ZNF277: variants seen among roughly 807,000 people sequenced by gnomAD.
The protein encoded by ZNF277 is zinc finger protein 277.
Under a neutral mutation model 60.7 loss-of-function variants are expected in ZNF277, and 55 were observed. The ratio of observed to expected loss-of-function variants is 0.91; its 90% CI spans 0.73 to 1.13. The LOEUF is 1.13. ZNF277 is among the 50% of genes most tolerant of loss of function. The probability of loss-of-function intolerance (pLI) is 0.00; values close to 1 mark genes in which losing one functional copy is unlikely to be tolerated. For synonymous variants in ZNF277, 178 were observed against 179.3 expected, an observed-to-expected ratio of 0.99 and a Z score of 0.06; for missense variants, 510 against 523.0, an observed-to-expected ratio of 0.98 and a Z score of 0.24.
intron 1 of ZNF277, among the ~76,000 whole-genome samples, chr7:112,263,085 T>C (rs569736714): frequency 6.6e-6 from 1 of 152,304 alleles, no homozygotes; most frequent in African/African-American, 2.4e-5. Context: ...TTGTATAACC[T>C]TTTTGTCAAG....
At position 112,330,042 on chromosome 7, in the gene ZNF277, A is replaced by C. The variant is rs748760330; in HGVS notation, c.669-42A>C. On this transcript the variant is annotated intron_variant, in intron 6 of 11. Transcript: ENST00000361822. Reference sequence around the variant, plus strand: ...ATAATAAAGGATTATTGCAGCAACTATACAAGAGACTTGTTTATCAGTGTT... The same window carrying C: ...ATAATAAAGGATTATTGCAGCAACTCTACAAGAGACTTGTTTATCAGTGTT... 4.4e-6 allele frequency: 7 copies of C among 1,585,494 alleles called. No homozygotes were observed. The Admixed American group carries it at 5.6e-5, about 13-fold the overall frequency.
At chr7:112,319,659 ATATATATAATATATAT>A (rs1317519973) in intron 5 of ZNF277, among the ~76,000 whole-genome samples, 5 of 147,418 alleles carry the variant, frequency 3.4e-5, no homozygotes, top group African/African-American at 1.2e-4. Flanking sequence ...AAATTATATA[ATATATATAATATATAT>A]TATATAAATT....
intron 1 of ZNF277, among the ~76,000 whole-genome samples, chr7:112,282,570 A>G (rs1791972385): frequency 6.6e-6 from 1 of 152,212 alleles, no homozygotes; most frequent in South Asian, 2.1e-4. Flanking sequence ...CAAGAACTGT[A>G]CATTTAACCT....
intron 8 of ZNF277, 50 bp from the exon 9 acceptor site, chr7:112,337,680 T>C (rs1438791914): frequency 2.6e-6 from 4 of 1,524,108 alleles, no homozygotes; most frequent in Non-Finnish European, 3.6e-6. Context: ...TGTAGTATAC[T>C]CTCTTAATGA....
At chr7:112,297,635 T>C (rs1792385326) in intron 4 of ZNF277, among the ~76,000 whole-genome samples, 1 of 152,230 alleles carries the variant, frequency 6.6e-6, no homozygotes, top group Non-Finnish European at 1.5e-5. Flanking sequence ...AGTAAAGAAA[T>C]AGGACTTCCT....
chr7:112,251,576 TG>T (rs1791200874), intron 1 of ZNF277, among the ~76,000 whole-genome samples: 2 of 152,168 alleles, frequency 1.3e-5, no homozygotes, highest in African/African-American at 4.8e-5. Flanking sequence ...TTTTCCCCAA[TG>T]GGGAAGGATT....
At position 112,206,711 on chromosome 7, in the gene ZNF277, C is replaced by G; in HGVS notation, c.-6C>G. 1 of 1,612,982 alleles carries G rather than the reference C, an allele frequency of 6.2e-7. No homozygotes were observed. Among genetic ancestry groups the G allele is most frequent in the Non-Finnish European group, 8.5e-7 (1 of 1,179,616 alleles). On this transcript the variant is annotated 5_prime_UTR_variant, in exon 1 of 12. Transcript: ENST00000361822. Reference sequence around the variant, plus strand: ...TGCGGCCCTCCCTTTTCTTTTCTGCCGGGTAATGGCTGCTTCCAAGACCCA... The same window carrying G: ...TGCGGCCCTCCCTTTTCTTTTCTGCGGGGTAATGGCTGCTTCCAAGACCCA...
At chr7:112,338,596 C>T (rs912771367) in intron 9 of ZNF277, among the ~76,000 whole-genome samples, 2 of 152,162 alleles carry the variant, frequency 1.3e-5, no homozygotes, top group Non-Finnish European at 2.9e-5. Flanking sequence ...CCCACTTTCA[C>T]CTCACCCTTA....
intron 1 of ZNF277, among the ~76,000 whole-genome samples, chr7:112,208,893 G>A (rs1046187406): frequency 6.6e-6 from 1 of 151,976 alleles, no homozygotes; most frequent in African/African-American, 2.4e-5. Context: ...TGTTAGCCAG[G>A]AGGTCTCGAT....
intron 1 of ZNF277, among the ~76,000 whole-genome samples, chr7:112,269,799 A>C (rs1791629194): frequency 1.3e-5 from 2 of 152,084 alleles, no homozygotes; most frequent in African/African-American, 4.8e-5. Flanking sequence ...GGTTTATCAA[A>C]ATCTAGAAGC....
At chr7:112,220,918 G>C (rs549627719) in intron 1 of ZNF277, among the ~76,000 whole-genome samples, 53 of 152,220 alleles carry the variant, frequency 3.5e-4, no homozygotes, top group African/African-American at 1.1e-3. Flanking sequence ...CCCTCTTTGG[G>C]TCCCCTCCCT....
intron 5 of ZNF277, among the ~76,000 whole-genome samples, chr7:112,321,341 T>C (rs1792977950): frequency 6.6e-6 from 1 of 152,144 alleles, no homozygotes; most frequent in Non-Finnish European, 1.5e-5. Context: ...ATTTCAATAA[T>C]ATGCAAAAAC....
At chr7:112,297,415 G>A (rs1041674894) in intron 4 of ZNF277, among the ~76,000 whole-genome samples, 15 of 152,084 alleles carry the variant, frequency 9.9e-5, no homozygotes, top group Non-Finnish European at 2.2e-4. Context: ...TGTTATAAGA[G>A]AGAGAAATGA....
At chr7:112,228,635 C>T (rs1354727225) in intron 1 of ZNF277, among the ~76,000 whole-genome samples, 2 of 151,900 alleles carry the variant, frequency 1.3e-5, no homozygotes, top group African/African-American at 4.8e-5. Flanking sequence ...TCTTTTATGC[C>T]AGGCTTTTCC....
intron 1 of ZNF277, among the ~76,000 whole-genome samples, chr7:112,248,853 A>G (rs550559974): frequency 6.6e-6 from 1 of 152,138 alleles, no homozygotes; most frequent in Non-Finnish European, 1.5e-5. Flanking sequence ...CTTCTTTTCC[A>G]TCTTGCACAT....
At chr7:112,332,172 C>G (rs887038876) in intron 7 of ZNF277, among the ~76,000 whole-genome samples, 12 of 152,126 alleles carry the variant, frequency 7.9e-5, no homozygotes, top group Non-Finnish European at 1.6e-4. Flanking sequence ...GCTTTAACAA[C>G]GTACAAAATG....
intron 1 of ZNF277, among the ~76,000 whole-genome samples, chr7:112,269,210 G>T (rs866750312): frequency 8.9e-5 from 13 of 146,364 alleles, no homozygotes; most frequent in Admixed American, 1.4e-4. Flanking sequence ...GATTTTTTTT[G>T]TTTTTTTTTT....
At chr7:112,265,196 T>C (rs76965771) in intron 1 of ZNF277, among the ~76,000 whole-genome samples, 3 of 152,214 alleles carry the variant, frequency 2.0e-5, no homozygotes, top group Admixed American at 6.5e-5. Context: ...GTCTTGGCTT[T>C]CCACTTGCCT....
At chr7:112,248,576 T>C (rs111650574) in intron 1 of ZNF277, among the ~76,000 whole-genome samples, 4 of 151,980 alleles carry the variant, frequency 2.6e-5, no homozygotes, top group African/African-American at 9.6e-5. Context: ...GGGAAGAAAA[T>C]TACTCTATAA....
Sources: allele counts gnomAD v4.1 joint callset (sites outside exome capture counted in the v4.1 genomes callset), GRCh38; gene constraint gnomAD v4.1.1; transcripts MANE v1.5; gene names NCBI Gene and HGNC (gene_info 2026-07-23, HGNC 2026-07-21).